Variants in PXK observed in about 807,000 individuals in gnomAD.
The protein encoded by PXK is PX domain containing serine/threonine kinase like, also known as PX domain-containing protein kinase-like protein.
Under a neutral mutation model 84.7 loss-of-function variants are expected in PXK, and 35 were observed. The observed-to-expected ratio is 0.41, with a 90% confidence interval of 0.32 to 0.55. The LOEUF (loss-of-function observed/expected upper bound fraction) is 0.55, where lower values mean the gene tolerates loss of function less well. Among genes scored for constraint, PXK ranks in the 20% least tolerant of loss-of-function variants. The probability of loss-of-function intolerance (pLI) is 0.21; values close to 1 mark genes in which losing one functional copy is unlikely to be tolerated. For synonymous variants in PXK, 253 were observed against 260.8 expected, an observed-to-expected ratio of 0.97 and a Z score of 0.29; for missense variants, 634 against 699.7, an observed-to-expected ratio of 0.91 and a Z score of 1.06.
intron 1 of PXK, among the ~76,000 whole-genome samples, chr3:58,336,103 T>C (rs2097603396): frequency 7.3e-6 from 1 of 137,472 alleles, no homozygotes; most frequent in African/African-American, 2.7e-5. Context: ...ACCAATGGGG[T>C]TCTTGCTGTG....
At chr3:58,380,389 C>T (rs905492930) in intron 3 of PXK, among the ~76,000 whole-genome samples, 13 of 150,748 alleles carry the variant, frequency 8.6e-5, no homozygotes, top group Non-Finnish European at 1.2e-4. Context: ...GCTATGATCA[C>T]GCCACCACAC....
At position 58,416,666 on chromosome 3, in the gene PXK, G is replaced by A. The variant is rs1413649031; in HGVS notation, c.1528+3703G>A. 2.6e-5 allele frequency among the ~76,000 whole-genome samples: 4 copies of A among 152,162 alleles called. No individual in the cohort carries two copies. In the East Asian group the frequency reaches 7.7e-4, roughly 29 times the overall value. ...GACAGAGTCTGGGTCTGTCACCCAG[G>A]CTGGAATACAGTCGTGAGATCTCGG... On this transcript the variant is annotated intron_variant, in intron 17 of 17. Coordinates refer to ENST00000356151, the MANE Select transcript of PXK (RefSeq NM_017771.5). This position sits in a 1 kb window ranked among gnomAD's most constrained non-coding sequence, Gnocchi z 4.8.
In PXK at chr3:58,397,863, A is replaced by G. The variant is rs2057954407; in HGVS notation, c.1102+141A>G. 3.1e-6 allele frequency: 2 copies of G among 653,246 alleles called. No homozygotes were observed. The highest frequency in any genetic ancestry group is 5.3e-6 in the Non-Finnish European group (2 of 379,526). 40.5% of individuals were successfully genotyped at this position (653,246 alleles called of 1,614,324 possible). On this transcript the variant is annotated intron_variant, in intron 11 of 17. Transcript: ENST00000356151. The surrounding 1 kb of genome is among the most constrained non-coding windows in gnomAD (Gnocchi z 4.7). ...TTCTTACAAAATTTAAAAGTAGACCAAATTTGAGTAGTTTACTTAAATACA... is the reference window on the plus strand; with the variant it reads ...TTCTTACAAAATTTAAAAGTAGACCGAATTTGAGTAGTTTACTTAAATACA...
At chr3:58,350,158 T>C (rs942593814) in intron 1 of PXK, among the ~76,000 whole-genome samples, 4 of 152,228 alleles carry the variant, frequency 2.6e-5, no homozygotes, top group African/African-American at 9.6e-5. Flanking sequence ...GGCATGTTCT[T>C]ATAAAAATGT....
intron 1 of PXK, among the ~76,000 whole-genome samples, chr3:58,354,526 A>AACCTCC (rs2098024325): frequency 6.7e-6 from 1 of 150,246 alleles, no homozygotes; most frequent in Non-Finnish European, 1.5e-5. Context: ...AGCTCACTGC[A>AACCTCC]ACCTCCACCT....
At chr3:58,391,246 C>G in intron 6 of PXK, 26 bp downstream of exon 6, 3 of 1,583,474 alleles carry the variant, frequency 1.9e-6, no homozygotes, top group Non-Finnish European at 2.6e-6. Flanking sequence ...GCTTTGGTCT[C>G]CTTCAGTGAC....
chr3:58,342,906 A>G (rs146780268), intron 1 of PXK, among the ~76,000 whole-genome samples: 1 of 152,328 alleles, frequency 6.6e-6, no homozygotes, highest in African/African-American at 2.4e-5. Flanking sequence ...GGGGAAGGGC[A>G]AAGGGCTCTG....
chr3:58,423,126 C>T (rs2062189025), intron 17 of PXK: 3 of 985,206 alleles, frequency 3.0e-6, no homozygotes, highest in Non-Finnish European at 3.6e-6. Flanking sequence ...GCAGAGGTCT[C>T]CCCTCCTCCT....
At position 58,416,723 on chromosome 3, in the gene PXK, C is replaced by A. The variant is rs575297737; in HGVS notation, c.1528+3760C>A. On this transcript the variant is annotated intron_variant, in intron 17 of 17. Transcript: ENST00000356151. This position sits in a 1 kb window ranked among gnomAD's most constrained non-coding sequence, Gnocchi z 4.8. ...GCAACTTCCGCCTCCTGGGTTCAAG[C>A]GATTTTTATGCCTCAGCCTCCCAAG... Among the ~76,000 whole-genome samples the A allele has an allele frequency of 5.9e-5, 9 of 151,958 alleles. No homozygotes were observed. Among genetic ancestry groups the A allele is most frequent in the Non-Finnish European group, 1.3e-4 (9 of 67,974 alleles).
At chr3:58,344,119 A>T (rs1017919867) in intron 1 of PXK, among the ~76,000 whole-genome samples, 1 of 152,242 alleles carries the variant, frequency 6.6e-6, no homozygotes, top group Non-Finnish European at 1.5e-5. Flanking sequence ...CTTCATCTGT[A>T]AAGTGAGGAT....
chr3:58,405,641 T>G (rs938920902), intron 13 of PXK, among the ~76,000 whole-genome samples: 40 of 148,998 alleles, frequency 2.7e-4, no homozygotes, highest in African/African-American at 7.9e-4. Context: ...AGCACACCAC[T>G]GCACTCCAGC....
intron 1 of PXK, among the ~76,000 whole-genome samples, chr3:58,341,552 A>G (rs1475541686): frequency 6.6e-6 from 1 of 151,890 alleles, no homozygotes; most frequent in Admixed American, 6.6e-5. Context: ...ACAGAGTGAG[A>G]CTCTATCTCA....
intron 1 of PXK, among the ~76,000 whole-genome samples, chr3:58,356,394 C>T (rs568411591): frequency 1.3e-5 from 2 of 152,248 alleles, no homozygotes; most frequent in East Asian, 1.9e-4. Context: ...GGTGCTTTAT[C>T]TTCTCTTTTA....
In PXK at chr3:58,411,197, C is replaced by T. The variant is rs1385124631; in HGVS notation, c.1465+1038C>T. Among the ~76,000 whole-genome samples the T allele has an allele frequency of 6.6e-6, 1 of 152,104 alleles. No individual in the cohort carries two copies. Among genetic ancestry groups the T allele is most frequent in the Non-Finnish European group, 1.5e-5 (1 of 68,018 alleles). On this transcript the variant is annotated intron_variant, in intron 16 of 17. Transcript: ENST00000356151. This position sits in a 1 kb window ranked among gnomAD's most constrained non-coding sequence, Gnocchi z 4.2. The stretch of plus-strand genomic sequence containing the variant: ...CCTGGGGCGGGAGGAGAAAAGTGTA[C>T]AAGATGATTAGGCTGCAGCCCAGAG...
intron 1 of PXK, among the ~76,000 whole-genome samples, chr3:58,337,130 T>G (rs2097636076): frequency 6.6e-6 from 1 of 152,194 alleles, no homozygotes; most frequent in Non-Finnish European, 1.5e-5. Flanking sequence ...TTTTAAATAT[T>G]CTTCTGTGGA....
At chr3:58,335,018 GGT>G (rs375780661) in intron 1 of PXK, among the ~76,000 whole-genome samples, 43,389 of 105,820 alleles carry the variant, frequency 0.41, 9,078 homozygotes, top group East Asian at 0.78. Context: ...TGTCCAGGCT[GGT>G]GTGTGTGTGT....
chr3:58,403,797 T>G, intron 12 of PXK, 65 bp from the exon 13 acceptor site: 1 of 1,113,544 alleles, frequency 9.0e-7, no homozygotes, highest in East Asian at 2.5e-5. Flanking sequence ...CTTAATCTGC[T>G]TTCATCCTAG....
intron 1 of PXK, among the ~76,000 whole-genome samples, chr3:58,363,126 G>A (rs1238104401): frequency 6.6e-6 from 1 of 152,024 alleles, no homozygotes; most frequent in African/African-American, 2.4e-5. Context: ...ATTTCTATTC[G>A]TTTATTCAGA....
rs2062762727 is a variant in PXK, at chr3:58,425,997, T to G, written c.*1037T>G. The G allele has an allele frequency of 6.6e-6, 1 of 152,264 alleles. No individual in the cohort carries two copies. The highest frequency in any genetic ancestry group is 1.5e-5 in the Non-Finnish European group (1 of 68,050). The allele number at this position is 152,264 out of a possible 1,614,324, so 9.4% of individuals were successfully genotyped here. A position where few individuals can be genotyped will look rare whatever the true frequency, so the allele number is the denominator to read the frequency against. On this transcript the variant is annotated 3_prime_UTR_variant, in exon 18 of 18. Transcript: ENST00000356151. ...CATGTAATCTGTTATGTCAGCTGTA[T>G]TTTTTATTAAAATCATGTCAAGAAA...
Sources: gnomAD v4.1 joint callset for allele counts (sites outside exome capture counted in the v4.1 genomes callset) on GRCh38, gnomAD v4.1.1 for gene constraint, Gnocchi (gnomAD v3.1) non-coding constraint, MANE v1.5 for transcripts, NCBI Gene and HGNC (gene_info 2026-07-23, HGNC 2026-07-21) for gene names.